The following PARD6B variants were observed in gnomAD, a reference collection of about 807,000 sequenced individuals.
PARD6B encodes par-6 family cell polarity regulator beta.
In PARD6B, 4 loss-of-function variants were observed where a neutral mutation model predicts 10.5. The observed-to-expected ratio is 0.38, with a 90% CI of 0.19 to 0.87. PARD6B has a LOEUF of 0.87. PARD6B is among the 40% of genes least tolerant of loss of function. The pLI is 0.41. For synonymous variants in PARD6B, 169 were observed against 170.4 expected (o/e 0.99, Z 0.07); for missense variants, 396 against 470.6 (o/e 0.84, Z 1.47).
At chr20:50,741,218 C>G (rs1335754836) in intron 2 of PARD6B, among the ~76,000 whole-genome samples, 1 of 151,990 alleles carries the variant, frequency 6.6e-6, no homozygotes, top group Non-Finnish European at 1.5e-5. Flanking sequence ...GTCTTGGCCT[C>G]GAAGTGTTCT....
chr20:50,732,917 A>AAT (rs953856551), intron 1 of PARD6B, among the ~76,000 whole-genome samples: 3 of 151,718 alleles, frequency 2.0e-5, no homozygotes, highest in Admixed American at 6.6e-5. Context: ...AAAAAAAAAA[A>AAT]GTAATGGAGC....
intron 2 of PARD6B, among the ~76,000 whole-genome samples, chr20:50,745,625 A>G (rs1420147845): frequency 1.3e-5 from 2 of 152,110 alleles, no homozygotes; most frequent in African/African-American, 4.8e-5. Context: ...TCAGCCTCCC[A>G]AGTAGCTTGG....
At chr20:50,747,638 T>C (rs141150250) in intron 2 of PARD6B, among the ~76,000 whole-genome samples, 1 of 152,042 alleles carries the variant, frequency 6.6e-6, no homozygotes, top group African/African-American at 2.4e-5. Context: ...ATTTTAACTT[T>C]TGTTTCTGCT....
rs1204222614 is a variant in PARD6B, at chr20:50,738,104, T to C, written c.289+25T>C. ...GGTAAGTATCACTGTTTAGAAAAAT[T>C]GTGTTAGAAATAGAAATAGTGTATT... On this transcript the variant is annotated intron_variant, in intron 2 of 2. Coordinates refer to ENST00000371610, the MANE Select transcript of PARD6B (RefSeq NM_032521.3). The C allele has an allele frequency of 2.0e-6, 3 of 1,514,320 alleles. No individual in the cohort carries two copies. In the South Asian group the frequency reaches 3.7e-5, roughly 19 times the overall value. The allele number at this position is 1,514,320 out of a possible 1,614,324, so 93.8% of individuals were successfully genotyped here.
rs1443891634 is a variant in PARD6B at position 50,731,654 on chromosome 20, C to T, written c.-133C>T. On this transcript the variant is annotated 5_prime_UTR_variant, in exon 1 of 3. Transcript: ENST00000371610. ...GCGCGGACGCCGGAGCTGCGGCCGC[C>T]CCCTCTGCAGGTGCCTGTGAGGAGG... 7.9e-6 allele frequency: 5 copies of T among 632,074 alleles called. No homozygotes were observed. Among genetic ancestry groups the T allele is most frequent in the Non-Finnish European group, 1.2e-5 (5 of 413,582 alleles). The allele number at this position is 632,074 out of a possible 1,614,324, so 39.2% of individuals were successfully genotyped here.
In PARD6B at chr20:50,753,220, T is replaced by A; in HGVS notation, c.*2732T>A. ...GGAAATCAAAGCTGCTATTGCTTTTTATTTTAATTATCCTGTTAAGGGTAT... is the reference window on the plus strand; with the variant it reads ...GGAAATCAAAGCTGCTATTGCTTTTAATTTTAATTATCCTGTTAAGGGTAT... On this transcript the variant is annotated 3_prime_UTR_variant, in exon 3 of 3. Transcript: ENST00000371610. 2 of 985,290 alleles carry A rather than the reference T, an allele frequency of 2.0e-6. No homozygotes were observed. The highest frequency in any genetic ancestry group is 2.4e-6 in the Non-Finnish European group (2 of 829,362). 61.0% of individuals were successfully genotyped at this position (985,290 alleles called of 1,614,324 possible). A position where few individuals can be genotyped will look rare whatever the true frequency, so the allele number is the denominator to read the frequency against.
At chr20:50,740,382 A>C (rs2087524657) in intron 2 of PARD6B, among the ~76,000 whole-genome samples, 2 of 152,242 alleles carry the variant, frequency 1.3e-5, no homozygotes, top group African/African-American at 4.8e-5. Context: ...GGGTTTTTAA[A>C]GTATTGCCAT....
At chr20:50,747,088 T>C (rs1421155287) in intron 2 of PARD6B, among the ~76,000 whole-genome samples, 1 of 152,176 alleles carries the variant, frequency 6.6e-6, no homozygotes, top group African/African-American at 2.4e-5. Flanking sequence ...TAACCTTATA[T>C]ATTTATCTGA....
intron 2 of PARD6B, among the ~76,000 whole-genome samples, chr20:50,741,580 G>C (rs2087530783): frequency 6.6e-6 from 1 of 152,070 alleles, no homozygotes; most frequent in Non-Finnish European, 1.5e-5. Flanking sequence ...AGTGGGGACG[G>C]AGTCTAGCTC....
rs565068464 is a variant in PARD6B, at chr20:50,750,954, ATT to A, written c.*497_*498del. 0.015 allele frequency: 5,762 copies of A among 384,430 alleles called. 19 individuals carry two copies. Among genetic ancestry groups the A allele is most frequent in the South Asian group, 0.022 (132 of 5,962 alleles). The allele number at this position is 384,430 out of a possible 1,614,324, so 23.8% of individuals were successfully genotyped here. ...CTCATGTTCCCAATATTTTATTTTG[ATT>A]TTTTTTTTTTTTTTTTTTTTTTTTT... On this transcript the variant is annotated 3_prime_UTR_variant, in exon 3 of 3. Coordinates refer to ENST00000371610, the MANE Select transcript of PARD6B (RefSeq NM_032521.3).
intron 1 of PARD6B, among the ~76,000 whole-genome samples, chr20:50,733,757 T>C (rs1030864060): frequency 6.6e-6 from 1 of 152,216 alleles, no homozygotes; most frequent in East Asian, 1.9e-4. Flanking sequence ...ACTTGTGATA[T>C]TGCATAATCT....
At chr20:50,749,291 C>T (rs540433476) in intron 2 of PARD6B, among the ~76,000 whole-genome samples, 6 of 151,506 alleles carry the variant, frequency 4.0e-5, no homozygotes, top group East Asian at 1.9e-4. Context: ...TGCAGTGAGC[C>T]GAGGTCACGC....
At chr20:50,748,815 C>T (rs1217061842) in intron 2 of PARD6B, among the ~76,000 whole-genome samples, 1 of 152,136 alleles carries the variant, frequency 6.6e-6, no homozygotes, top group East Asian at 1.9e-4. Flanking sequence ...AGGCACCACG[C>T]CCAACCACAT....
At chr20:50,735,295 C>T (rs967797417) in intron 1 of PARD6B, among the ~76,000 whole-genome samples, 2 of 152,144 alleles carry the variant, frequency 1.3e-5, no homozygotes, top group South Asian at 4.1e-4. Context: ...TGTGACTTTT[C>T]TTTGGTAACT....
At chr20:50,741,992 T>G (rs1051264071) in intron 2 of PARD6B, among the ~76,000 whole-genome samples, 2 of 152,218 alleles carry the variant, frequency 1.3e-5, no homozygotes, top group African/African-American at 4.8e-5. Context: ...CAGCACATTT[T>G]CTGTTTGCTT....
At chr20:50,736,453 C>T (rs1016095791) in intron 1 of PARD6B, among the ~76,000 whole-genome samples, 5 of 152,200 alleles carry the variant, frequency 3.3e-5, no homozygotes, top group South Asian at 2.1e-4. Context: ...GGCAAACGTT[C>T]GTTTAAATAT....
At chr20:50,731,882 CGGGCCTGGGGGGCCG>C (rs1417024432) in intron 1 of PARD6B, 30 bp downstream of exon 1, 5 of 1,407,840 alleles carry the variant, frequency 3.6e-6, no homozygotes, top group Admixed American at 2.9e-5. Flanking sequence ...GGCGGAGCGG[CGGGCCTGGGGGGCCG>C]GGGCCTGGGA....
Position 50,751,713 on chromosome 20 carries a change from G to A in PARD6B, c.*1225G>A, listed in dbSNP as rs934232641. The A allele has an allele frequency of 4.7e-5, 46 of 971,062 alleles. No individual in the cohort carries two copies. The highest frequency in any genetic ancestry group is 5.3e-5 in the Non-Finnish European group (44 of 824,236). 60.2% of individuals were successfully genotyped at this position (971,062 alleles called of 1,614,324 possible). On this transcript the variant is annotated 3_prime_UTR_variant, in exon 3 of 3. Transcript: ENST00000371610. ...TAGGAGTTACTTCCCATGTTATAAA[G>A]CTGAGGAAGCTTTTTTTTTTTTTTT... is the stretch of plus-strand genomic sequence containing the variant.
chr20:50,748,689 C>G lies in PARD6B; in HGVS notation c.290-970C>G, dbSNP rs565249615. Among the ~76,000 whole-genome samples the G allele has an allele frequency of 7.2e-5, 11 of 152,210 alleles. 1 individual carries two copies. Among genetic ancestry groups the G allele is most frequent in the Middle Eastern group, 6.8e-3 (2 of 294 alleles). On this transcript the variant is annotated intron_variant, in intron 2 of 2. Transcript: ENST00000371610. ...CTCCAGGCAGACGCTACCTACCACA[C>G]CTGGCTAATTTTTTTTTACTTTTCA...
Sources: gnomAD v4.1 joint callset for allele counts (sites outside exome capture counted in the v4.1 genomes callset) on GRCh38, gnomAD v4.1.1 for gene constraint, MANE v1.5 for transcripts, NCBI Gene and HGNC (gene_info 2026-07-23, HGNC 2026-07-21) for gene names.